The following CEP131 variants were observed in gnomAD, a reference collection of about 807,000 sequenced individuals.
CEP131 encodes the protein centrosomal protein 131, also known as centrosomal protein of 131 kDa.
In CEP131, 99 loss-of-function variants were observed where a neutral mutation model predicts 136.8. The observed-to-expected ratio is 0.72, with a 90% CI of 0.62 to 0.86. The LOEUF is 0.86. CEP131 is among the 40% of genes least tolerant of loss of function. The pLI is 0.00. For missense variants in CEP131, 1,459 were observed against 1,463.0 expected (o/e 1.00, Z 0.04); for synonymous variants, 646 against 612.7 (o/e 1.05, Z -0.80).
intron 5 of CEP131, among the ~76,000 whole-genome samples, chr17:81,206,238 C>T (rs1328023363): frequency 6.6e-6 from 1 of 152,124 alleles, no homozygotes; most frequent in Non-Finnish European, 1.5e-5. Context: ...AGAATTCTTC[C>T]TGTGCCAACC....
intron 21 of CEP131, 53 bp downstream of exon 21, chr17:81,192,265 G>A: frequency 6.6e-7 from 1 of 1,518,500 alleles, no homozygotes; most frequent in East Asian, 2.5e-5. Context: ...CCCAACTCCT[G>A]CCCACGCAGG....
chr17:81,198,243 T>G lies in CEP131; in HGVS notation c.1342A>C (p.Arg448=). ...GDNLEMMAPS[R]GSAKSRGPLE... Reference sequence around the variant, plus strand: ...GGCCCCCTGGACTTGGCGCTCCCCCTGCTCGGGGCCATCATCTCCAGGTTG... The same window carrying G: ...GGCCCCCTGGACTTGGCGCTCCCCCGGCTCGGGGCCATCATCTCCAGGTTG... Residue 448 remains arginine, a synonymous_variant, in exon 12 of 26, where the codon AGG becomes CGG. Coordinates refer to ENST00000450824, the MANE Select transcript of CEP131 (RefSeq NM_014984.4). 1 of 1,603,728 alleles carries G rather than the reference T, an allele frequency of 6.2e-7. No individual in the cohort carries two copies. The highest frequency in any genetic ancestry group is 1.3e-5 in the African/African-American group (1 of 74,754).
At position 81,206,002 on chromosome 17, in the gene CEP131, G is replaced by A. The variant is rs1293963531; in HGVS notation, c.515+742C>T. ...GGGTGGATCATGAGGTCAGGAGATC[G>A]AGACCATCCCGGCCAACATGGTGAA... is the stretch of plus-strand genomic sequence containing the variant. On this transcript the variant is annotated intron_variant, in intron 5 of 25. Transcript: ENST00000450824. Among the ~76,000 whole-genome samples, 8 of 152,128 alleles carry A rather than the reference G, an allele frequency of 5.3e-5. No individual in the cohort carries two copies. The East Asian group carries it at 1.2e-3, about 22-fold the overall frequency.
rs963667631 is a variant in CEP131, at chr17:81,195,865, A to G, written c.1986T>C (p.Arg662=). 10 of 1,607,342 alleles carry G rather than the reference A, an allele frequency of 6.2e-6. No individual in the cohort carries two copies. Among genetic ancestry groups the G allele is most frequent in the East Asian group, 4.5e-5 (2 of 44,892 alleles). The change falls in exon 16 of 26, where the codon CGT becomes CGC. Residue 662 remains arginine (R), a synonymous_variant. Coordinates refer to ENST00000450824, the MANE Select transcript of CEP131 (RefSeq NM_014984.4). ...LKQEDQRCTE[R]VAQAQAQHEL... is the part of the protein sequence containing the mutation. ...CGTGCTGCGCCTGTGCCTGGGCCACACGCTCGGTGCATCTCTGGTCCTCCT... is the reference window on the plus strand; with the variant it reads ...CGTGCTGCGCCTGTGCCTGGGCCACGCGCTCGGTGCATCTCTGGTCCTCCT...
At position 81,208,836 on chromosome 17, in the gene CEP131, A is replaced by C; in HGVS notation, c.272+92T>G. On this transcript the variant is annotated intron_variant, in intron 3 of 25. Transcript: ENST00000450824. This position sits in a 1 kb window ranked among gnomAD's most constrained non-coding sequence, Gnocchi z 5.6. The stretch of plus-strand genomic sequence containing the variant: ...GCCCGGGACCCAGGAGGCTGGAGGA[A>C]GGGCAGAGCAGAGGCAGGGAGGAGC... 1 of 990,076 alleles carries C rather than the reference A, an allele frequency of 1.0e-6. No individual in the cohort carries two copies. The highest frequency in any genetic ancestry group is 1.5e-6 in the Non-Finnish European group (1 of 650,146). 61.3% of individuals were successfully genotyped at this position (990,076 alleles called of 1,614,324 possible).
chr17:81,210,671 C>T (rs1042609809), intron 2 of CEP131, among the ~76,000 whole-genome samples: 9 of 152,124 alleles, frequency 5.9e-5, no homozygotes, highest in Non-Finnish European at 1.2e-4. Context: ...CACTGGATGC[C>T]ACGGCGACCA....
chr17:81,199,856 A>G, intron 8 of CEP131, 21 bp from the exon 9 acceptor site: 2 of 1,607,444 alleles, frequency 1.2e-6, no homozygotes, highest in South Asian at 1.1e-5. Context: ...AGCCGGTGCC[A>G]TGTGGCGTTT....
intron 2 of CEP131, among the ~76,000 whole-genome samples, chr17:81,210,306 T>G (rs1266642518): frequency 6.6e-6 from 1 of 152,102 alleles, no homozygotes; most frequent in Non-Finnish European, 1.5e-5. Context: ...GCGCGGTGGT[T>G]CACGCCTGTG....
At chr17:81,197,330 C>T (rs377055582) in intron 13 of CEP131, 125 of 551,690 alleles carry the variant, frequency 2.3e-4, no homozygotes, top group African/African-American at 1.9e-3. Flanking sequence ...ATAAAGTTCA[C>T]GTCACTGCTC....
intron 5 of CEP131, among the ~76,000 whole-genome samples, chr17:81,205,725 T>C (rs1460912635): frequency 6.6e-6 from 1 of 151,972 alleles, no homozygotes; most frequent in Non-Finnish European, 1.5e-5. Flanking sequence ...ACAGCGAGAC[T>C]TCATCTCTAC....
chr17:81,212,772 G>C (rs1298852097), intron 2 of CEP131, among the ~76,000 whole-genome samples: 1 of 152,098 alleles, frequency 6.6e-6, no homozygotes. Context: ...AGCAAGCGTC[G>C]GGGGGGCGAG....
At position 81,198,883 on chromosome 17, in the gene CEP131, C is replaced by T; in HGVS notation, c.1281G>A (p.Arg427=). ...SPEPQQPPED[R]TQDVLAQDAA... is the part of the protein sequence containing the mutation. ...AGGACAGCTGTGCTCAGACCTGCGT[C>T]CTGTCCTCTGGAGGCTGCTGTGGTT... is the stretch of plus-strand genomic sequence containing the variant. The change falls in exon 11 of 26, where the codon AGG becomes AGA. Residue 427 remains arginine, a synonymous_variant. Coordinates refer to ENST00000450824, the MANE Select transcript of CEP131 (RefSeq NM_014984.4). The T allele has an allele frequency of 6.3e-7, 1 of 1,585,292 alleles. No individual in the cohort carries two copies. Among genetic ancestry groups the T allele is most frequent in the Non-Finnish European group, 8.6e-7 (1 of 1,166,600 alleles).
At chr17:81,218,504 A>G (rs9789009) in intron 2 of CEP131, among the ~76,000 whole-genome samples, 22,752 of 152,312 alleles carry the variant, frequency 0.15, 2,132 homozygotes, top group Non-Finnish European at 0.21. Context: ...CTCTAGCCCA[A>G]GCTGGTTACC....
Position 81,203,812 on chromosome 17 carries a change from G to A in CEP131, c.516-205C>T. ...GGTTCTTCCCAGGACAGGAAAGCTGGACCAGGGGCTCCCACGGGGCAGGGG... is the reference window on the plus strand; with the variant it reads ...GGTTCTTCCCAGGACAGGAAAGCTGAACCAGGGGCTCCCACGGGGCAGGGG... On this transcript the variant is annotated intron_variant, in intron 5 of 25. Transcript: ENST00000450824. The surrounding 1 kb of genome is among the most constrained non-coding windows in gnomAD (Gnocchi z 4.6). 3.5e-6 allele frequency: 2 copies of A among 565,700 alleles called. No individual in the cohort carries two copies. The highest frequency in any genetic ancestry group is 6.3e-6 in the Non-Finnish European group (2 of 317,032). The allele number at this position is 565,700 out of a possible 1,614,324, so 35.0% of individuals were successfully genotyped here.
rs965438706 is a variant in CEP131 at position 81,197,813 on chromosome 17, C to T, written c.1546G>A (p.Glu516Lys). 2.5e-6 allele frequency: 4 copies of T among 1,613,346 alleles called. No homozygotes were observed. In the African/African-American group the frequency reaches 5.3e-5, roughly 21 times the overall value. The change falls in exon 13 of 26, where the codon GAG (glutamate) becomes AAG (lysine). Residue 516 changes from glutamate (E) to lysine (K), a missense_variant. This residue lies in a region of CEP131 where 1,026 missense variants were observed against 964.2 expected (regional missense o/e 1.06). Coordinates refer to ENST00000450824, the MANE Select transcript of CEP131 (RefSeq NM_014984.4). ...GKLSAFPEPPEDGTLLSEAKL... is the reference protein window; with the variant it reads ...GKLSAFPEPPKDGTLLSEAKL... The stretch of plus-strand genomic sequence containing the variant: ...GCCTCCGATAGCAGCGTCCCATCCT[C>T]AGGAGGTTCGGGGAACGCACTGAGT...
At chr17:81,192,293 C>T in intron 21 of CEP131, 25 bp downstream of exon 21, 1 of 1,546,826 alleles carries the variant, frequency 6.5e-7, no homozygotes, top group Non-Finnish European at 8.7e-7. Context: ...CCAACCCCTG[C>T]CCACCTGGGT....
chr17:81,197,096 C>T (rs1007999490), intron 13 of CEP131, 41 bp from the exon 14 acceptor site: 27 of 1,560,444 alleles, frequency 1.7e-5, no homozygotes, highest in South Asian at 5.9e-5. Context: ...CGGCAGAGGA[C>T]GGGGGGCAGC....
At chr17:81,204,675 C>T (rs1476171445) in intron 5 of CEP131, among the ~76,000 whole-genome samples, 1 of 152,132 alleles carries the variant, frequency 6.6e-6, no homozygotes, top group East Asian at 1.9e-4. Flanking sequence ...ATGCACGAAA[C>T]CTGCTCCTGC....
At chr17:81,191,384 G>C in intron 21 of CEP131, 49 bp from the exon 22 acceptor site, 1 of 1,606,414 alleles carries the variant, frequency 6.2e-7, no homozygotes. Flanking sequence ...GCCGGCCCGC[G>C]GGGCCAGGGC....
Sources: allele counts gnomAD v4.1 joint callset (sites outside exome capture counted in the v4.1 genomes callset), GRCh38; gene constraint gnomAD v4.1.1; regional missense constraint gnomAD v4.1.1; non-coding constraint Gnocchi (gnomAD v3.1); transcripts MANE v1.5; gene names NCBI Gene and HGNC (gene_info 2026-07-23, HGNC 2026-07-21).